The following TBC1D5 variants were observed in gnomAD, a reference collection of about 807,000 sequenced individuals.
TBC1D5 encodes the protein TBC1 domain family, member 5.
A neutral mutation model predicts 100.3 loss-of-function variants in TBC1D5; 75 were observed. The observed-to-expected ratio is 0.75, with a 90% CI of 0.62 to 0.91. The LOEUF (loss-of-function observed/expected upper bound fraction) is 0.91. TBC1D5 is among the 40% of genes least tolerant of loss of function. The probability of loss-of-function intolerance (pLI) is 0.00; values close to 1 mark genes in which losing one functional copy is unlikely to be tolerated. For missense variants in TBC1D5, 910 were observed against 942.4 expected, an observed-to-expected ratio of 0.97 and a Z score of 0.45; for synonymous variants, 323 against 325.6, an observed-to-expected ratio of 0.99 and a Z score of 0.09.
intron 2 of TBC1D5, among the ~76,000 whole-genome samples, chr3:17,524,195 C>G (rs1442747757): frequency 6.6e-6 from 1 of 152,132 alleles, no homozygotes; most frequent in African/African-American, 2.4e-5. Context: ...CAGCCTCACT[C>G]ACAGTTAAAG....
chr3:17,236,868 T>C (rs2075899588), intron 17 of TBC1D5, among the ~76,000 whole-genome samples: 1 of 152,060 alleles, frequency 6.6e-6, no homozygotes, highest in African/African-American at 2.4e-5. Context: ...CAAATAAAAA[T>C]TAAATAGAAG....
chr3:17,627,074 G>T lies in TBC1D5; in HGVS notation c.-100-3161C>A, dbSNP rs553513498. ...ACTTCTAAAGTATTCCAGGAATAAG[G>T]CTGCAGAGGAGTCATCTAGGCTTTT... On this transcript the variant is annotated intron_variant, in intron 1 of 21. Transcript: ENST00000253692. 3.5e-3 allele frequency among the ~76,000 whole-genome samples: 531 copies of T among 152,286 alleles called. 4 individuals carry two copies. The highest frequency in any genetic ancestry group is 0.012 in the African/African-American group (503 of 41,562).
At chr3:17,189,977 A>G (rs1233185962) in intron 18 of TBC1D5, among the ~76,000 whole-genome samples, 2 of 152,188 alleles carry the variant, frequency 1.3e-5, no homozygotes, top group Non-Finnish European at 2.9e-5. Flanking sequence ...TTTGCTTTTT[A>G]ATAAGTGGTG....
At chr3:17,277,298 T>A (rs1256925059) in intron 15 of TBC1D5, among the ~76,000 whole-genome samples, 1 of 152,172 alleles carries the variant, frequency 6.6e-6, no homozygotes, top group Non-Finnish European at 1.5e-5. Context: ...CAGTTCACAC[T>A]ATCACTCTAA....
intron 3 of TBC1D5, among the ~76,000 whole-genome samples, chr3:17,460,884 A>T (rs932286797): frequency 7.9e-5 from 12 of 152,278 alleles, no homozygotes; most frequent in African/African-American, 2.6e-4. Flanking sequence ...TCTTTTGATT[A>T]AAAAAGTACT....
chr3:17,673,386 T>C (rs1189210448), intron 1 of TBC1D5, among the ~76,000 whole-genome samples: 1 of 147,802 alleles, frequency 6.8e-6, no homozygotes, highest in Non-Finnish European at 1.5e-5. Context: ...CTCGGCTCAC[T>C]GCAGCCTCTA....
At chr3:17,405,248 G>A (rs1374005051) in intron 5 of TBC1D5, among the ~76,000 whole-genome samples, 2 of 152,024 alleles carry the variant, frequency 1.3e-5, no homozygotes, top group African/African-American at 4.8e-5. Flanking sequence ...AAAATTCATT[G>A]AGGTTCAAAT....
chr3:17,214,470 TA>T lies in TBC1D5; in HGVS notation c.1589-101del, dbSNP rs563493186. 1,211 of 1,235,158 alleles carry T rather than the reference TA, an allele frequency of 9.8e-4. 7 individuals carry two copies. The highest frequency in any genetic ancestry group is 3.7e-3 in the South Asian group (265 of 71,020). The allele number at this position is 1,235,158 out of a possible 1,614,324, so 76.5% of individuals were successfully genotyped here. On this transcript the variant is annotated intron_variant, in intron 17 of 21. Transcript: ENST00000253692. ...AAATGATGATCAATTATGATGCCAC[TA>T]GGTTGATACTATCAACATAATGACA...
intron 2 of TBC1D5, among the ~76,000 whole-genome samples, chr3:17,592,025 G>A (rs2060262062): frequency 6.6e-6 from 1 of 152,180 alleles, no homozygotes; most frequent in South Asian, 2.1e-4. Context: ...ACCAGATGTG[G>A]TTTCATTGCT....
At chr3:17,602,192 C>G (rs895219975) in intron 2 of TBC1D5, among the ~76,000 whole-genome samples, 1 of 152,208 alleles carries the variant, frequency 6.6e-6, no homozygotes, top group Non-Finnish European at 1.5e-5. Flanking sequence ...TACAACACGA[C>G]AATGCCTTTA....
At chr3:17,568,540 T>C (rs370660498) in intron 2 of TBC1D5, among the ~76,000 whole-genome samples, 1 of 151,512 alleles carries the variant, frequency 6.6e-6, no homozygotes, top group Non-Finnish European at 1.5e-5. Flanking sequence ...ATGACAAATA[T>C]ATAAGTTGAT....
At chr3:17,469,038 G>C (rs2095342363) in intron 3 of TBC1D5, among the ~76,000 whole-genome samples, 1 of 152,132 alleles carries the variant, frequency 6.6e-6, no homozygotes, top group South Asian at 2.1e-4. Context: ...TGAGAGGCAT[G>C]AACACAGAAC....
At chr3:17,499,255 G>T (rs1032821753) in intron 3 of TBC1D5, among the ~76,000 whole-genome samples, 1 of 152,130 alleles carries the variant, frequency 6.6e-6, no homozygotes, top group Non-Finnish European at 1.5e-5. Flanking sequence ...GATTATACTT[G>T]TAAGGGCCTA....
At chr3:17,289,696 G>C (rs566886014) in intron 15 of TBC1D5, among the ~76,000 whole-genome samples, 1 of 151,020 alleles carries the variant, frequency 6.6e-6, no homozygotes, top group African/African-American at 2.4e-5. Flanking sequence ...GGTCATCAGA[G>C]ACAATTTAAT....
At chr3:17,394,682 CT>C (rs1352296039) in intron 8 of TBC1D5, among the ~76,000 whole-genome samples, 1 of 151,954 alleles carries the variant, frequency 6.6e-6, no homozygotes, top group Non-Finnish European at 1.5e-5. Context: ...TTATTTGAAT[CT>C]TGAACTTCTA....
chr3:17,475,754 T>C (rs1559970023), intron 3 of TBC1D5, among the ~76,000 whole-genome samples: 1 of 152,124 alleles, frequency 6.6e-6, no homozygotes, highest in African/African-American at 2.4e-5. Context: ...ACAATGTTCT[T>C]ACACACAATT....
intron 13 of TBC1D5, among the ~76,000 whole-genome samples, chr3:17,348,685 A>G (rs2151608561): frequency 6.6e-6 from 1 of 152,270 alleles, no homozygotes; most frequent in Non-Finnish European, 1.5e-5. Flanking sequence ...AAAACGCACT[A>G]AATTCTAATA....
chr3:17,158,204 A>T (rs2065753389), exon 22 of TBC1D5: 1 of 152,260 alleles, frequency 6.6e-6, no homozygotes, highest in African/African-American at 2.4e-5. Flanking sequence ...TCAAAGAGGA[A>T]TGCATGAAAC....
chr3:17,717,576 G>T (rs116165794), intron 1 of TBC1D5, among the ~76,000 whole-genome samples: 282 of 152,242 alleles, frequency 1.9e-3, no homozygotes, highest in African/African-American at 6.5e-3. Context: ...ATCATATACT[G>T]ATAGAACAGT....
Sources: gnomAD v4.1 joint callset for allele counts (sites outside exome capture counted in the v4.1 genomes callset) on GRCh38, gnomAD v4.1.1 for gene constraint, MANE v1.5 for transcripts, NCBI Gene and HGNC (gene_info 2026-07-23, HGNC 2026-07-21) for gene names.